Variants in ITGB8 observed in about 807,000 individuals in gnomAD.
The protein encoded by ITGB8 is integrin subunit beta 8.
Under a neutral mutation model 89.5 loss-of-function variants are expected in ITGB8, and 30 were observed. The observed-to-expected ratio is 0.34, with a 90% CI of 0.25 to 0.45. ITGB8 has a LOEUF of 0.45. Among genes scored for constraint, ITGB8 ranks in the 20% least tolerant of loss-of-function variants. The pLI is 1.00. For synonymous variants in ITGB8, 335 were observed against 320.4 expected (o/e 1.05, Z -0.49); for missense variants, 836 against 933.3 (o/e 0.90, Z 1.36).
rs201628724 is a variant in ITGB8 at position 20,409,623 on chromosome 7, T to C, written c.2032T>C (p.Ser678Pro). The change falls in exon 13 of 14, where the codon TCC becomes CCC. Residue 678 changes from serine (S) to proline (P), a missense_variant. Around this residue, in one of 5 missense-constraint regions of ITGB8, gnomAD observed 422 missense variants for 416.9 expected, o/e 1.01. Transcript: ENST00000222573. ...HYVDQTSECF[S>P]SPSYLRIFFI... ...TGTTTGCTTCATTACAGAATGTTTC[T>C]CCAGCCCAAGCTACTTGAGAATATT... 36 of 1,602,244 alleles carry C rather than the reference T, an allele frequency of 2.2e-5. No individual in the cohort carries two copies. In the East Asian group the frequency reaches 6.9e-4, roughly 31 times the overall value.
intron 2 of ITGB8, among the ~76,000 whole-genome samples, chr7:20,364,461 G>A (rs1583493442): frequency 1.3e-5 from 2 of 152,002 alleles, no homozygotes; most frequent in African/African-American, 2.4e-5. Context: ...TTACTTCTTG[G>A]AGAAAAAAGA....
chr7:20,385,039 T>G (rs1017405704), intron 6 of ITGB8, among the ~76,000 whole-genome samples: 10 of 152,218 alleles, frequency 6.6e-5, no homozygotes, highest in African/African-American at 2.2e-4. Context: ...AAATTATTAA[T>G]GATGTAGTAG....
chr7:20,339,976 CGA>C (rs1784701323), intron 1 of ITGB8, among the ~76,000 whole-genome samples: 1 of 152,010 alleles, frequency 6.6e-6, no homozygotes, highest in Non-Finnish European at 1.5e-5. Flanking sequence ...TGCAGTGAGC[CGA>C]GATTGTGCCA....
intron 1 of ITGB8, among the ~76,000 whole-genome samples, chr7:20,334,583 A>T (rs1397463248): frequency 6.6e-6 from 1 of 152,162 alleles, no homozygotes; most frequent in African/African-American, 2.4e-5. Context: ...TGACCATATC[A>T]TTACTTCCCC....
At chr7:20,391,755 C>T (rs1415876513) in intron 7 of ITGB8, among the ~76,000 whole-genome samples, 1 of 152,106 alleles carries the variant, frequency 6.6e-6, no homozygotes, top group Non-Finnish European at 1.5e-5. Context: ...CAGCCTGATG[C>T]TTAGGGTGGT....
intron 1 of ITGB8, among the ~76,000 whole-genome samples, chr7:20,337,833 C>T (rs763848880): frequency 6.6e-6 from 1 of 152,222 alleles, no homozygotes; most frequent in Non-Finnish European, 1.5e-5. Context: ...TAAAGTCTGT[C>T]ACCCCCTCTA....
chr7:20,353,952 A>AAAAAAAAAAAAAAC (rs1785203317), intron 1 of ITGB8, among the ~76,000 whole-genome samples: 2 of 146,016 alleles, frequency 1.4e-5, no homozygotes, highest in African/African-American at 2.7e-5. Context: ...AAAAAAAAAA[A>AAAAAAAAAAAAAAC]AAAAGAAAAC....
chr7:20,334,278 A>G (rs996164906), intron 1 of ITGB8, among the ~76,000 whole-genome samples: 3 of 152,190 alleles, frequency 2.0e-5, no homozygotes, highest in Non-Finnish European at 4.4e-5. Context: ...TGGTCAATAA[A>G]TAACCAGAAA....
chr7:20,375,506 T>C (rs10257679), intron 3 of ITGB8, among the ~76,000 whole-genome samples: 141,685 of 152,272 alleles, frequency 0.93, 65,995 homozygotes, highest in East Asian at 0.99. Flanking sequence ...TGAAGGATGG[T>C]AACAAAGTAC....
upstream of ITGB8, chr7:20,330,888 C>G (rs1784357124): frequency 6.5e-6 from 1 of 152,824 alleles, no homozygotes. Flanking sequence ...GCATCCTAGC[C>G]GTGTGCACCC....
intron 1 of ITGB8, among the ~76,000 whole-genome samples, chr7:20,359,959 C>A (rs1785436982): frequency 6.6e-6 from 1 of 152,098 alleles, no homozygotes; most frequent in African/African-American, 2.4e-5. Flanking sequence ...TTCCTCTAGT[C>A]CTGCAGAACC....
In ITGB8 at chr7:20,388,942, T is replaced by C. The variant is rs1429394737; in HGVS notation, c.961-2461T>C. Among the ~76,000 whole-genome samples the C allele has an allele frequency of 2.0e-5, 3 of 152,338 alleles. No individual in the cohort carries two copies. The East Asian group carries it at 5.8e-4, about 29-fold the overall frequency. ...CTGAGAATGATGGTTTCCAGCTTTA[T>C]CCATGTCCCTGCAAAGGACATGAAC... On this transcript the variant is annotated intron_variant, in intron 6 of 13. Transcript: ENST00000222573.
intron 6 of ITGB8, among the ~76,000 whole-genome samples, chr7:20,388,397 A>G (rs1465732358): frequency 1.3e-5 from 2 of 152,240 alleles, no homozygotes; most frequent in African/African-American, 4.8e-5. Context: ...TGCTAGTGAA[A>G]TAAAAGATAA....
chr7:20,374,590 G>A (rs779689654), intron 3 of ITGB8, among the ~76,000 whole-genome samples: 6 of 152,046 alleles, frequency 3.9e-5, no homozygotes, highest in Non-Finnish European at 7.4e-5. Flanking sequence ...ACACAGGGGC[G>A]GGGCCCTCAG....
At chr7:20,334,864 C>G (rs1185702303) in intron 1 of ITGB8, among the ~76,000 whole-genome samples, 1 of 152,148 alleles carries the variant, frequency 6.6e-6, no homozygotes, top group African/African-American at 2.4e-5. Context: ...CTCTTGTTAC[C>G]AAATTATCTG....
intron 1 of ITGB8, among the ~76,000 whole-genome samples, chr7:20,360,708 GTA>G (rs371886904): frequency 2.0e-5 from 3 of 150,110 alleles, no homozygotes; most frequent in African/African-American, 2.4e-5. Flanking sequence ...CATGGTGTGT[GTA>G]TATATATATA....
At chr7:20,359,164 G>A (rs183103748) in intron 1 of ITGB8, among the ~76,000 whole-genome samples, 4 of 152,180 alleles carry the variant, frequency 2.6e-5, no homozygotes, top group East Asian at 1.9e-4. Context: ...ATAGCACTAA[G>A]GCAGTACATT....
intron 10 of ITGB8, 114 bp downstream of exon 10, chr7:20,402,240 T>C (rs1787343357): frequency 2.1e-6 from 2 of 951,224 alleles, no homozygotes; most frequent in Non-Finnish European, 3.0e-6. Flanking sequence ...CTGAATTTGT[T>C]ATTCAAAGTT....
intron 7 of ITGB8, among the ~76,000 whole-genome samples, chr7:20,394,077 T>G (rs1295493355): frequency 6.6e-6 from 1 of 152,250 alleles, no homozygotes; most frequent in Non-Finnish European, 1.5e-5. Flanking sequence ...TTAAAATCTA[T>G]AAATGATACA....
Sources: gnomAD v4.1 joint callset for allele counts (sites outside exome capture counted in the v4.1 genomes callset) on GRCh38, gnomAD v4.1.1 for gene constraint, gnomAD v4.1.1 regional missense constraint, MANE v1.5 for transcripts, NCBI Gene and HGNC (gene_info 2026-07-23, HGNC 2026-07-21) for gene names.